The following ZNF469 variants were observed in gnomAD, a reference collection of about 807,000 sequenced individuals.
The protein encoded by ZNF469 is zinc finger protein 469.
A neutral mutation model predicts 1.0 loss-of-function variants in ZNF469; 1 was observed. The ratio of observed to expected loss-of-function variants is 1.00; its 90% CI spans 0.35 to 4.73. ZNF469 has a LOEUF of 4.73. Ranked by LOEUF, ZNF469 falls within the 30% of genes most tolerant of loss-of-function variation. ZNF469 has a pLI of 0.16. For synonymous variants in ZNF469, 2,703 were observed against 2,363.4 expected, an observed-to-expected ratio of 1.14 and a Z score of -4.17; for missense variants, 6,100 against 5,356.3, an observed-to-expected ratio of 1.14 and a Z score of -4.33.
chr16:88,349,201 C>T, the ZNF469 span, among the ~76,000 whole-genome samples: 10 of 152,146 alleles, frequency 6.6e-5, no homozygotes, highest in South Asian at 4.1e-4. Context: ...CCTTCCCCGA[C>T]GGAGCAGGAA....
At chr16:88,118,441 G>A in the ZNF469 span, among the ~76,000 whole-genome samples, 5 of 152,156 alleles carry the variant, frequency 3.3e-5, no homozygotes, top group Non-Finnish European at 5.9e-5. Flanking sequence ...TCAGCTGCTC[G>A]ACCTGGTCCT....
the ZNF469 span, among the ~76,000 whole-genome samples, chr16:88,157,468 T>C: frequency 6.6e-6 from 1 of 152,090 alleles, no homozygotes; most frequent in African/African-American, 2.4e-5. Flanking sequence ...AGGGCTCTCC[T>C]CTGTGTCACT....
At chr16:88,210,578 A>G in the ZNF469 span, among the ~76,000 whole-genome samples, 1 of 152,184 alleles carries the variant, frequency 6.6e-6, no homozygotes, top group Non-Finnish European at 1.5e-5. Context: ...TAGATCTCTA[A>G]TCCATTTGGA....
At chr16:88,341,342 T>G in the ZNF469 span, among the ~76,000 whole-genome samples, 1 of 152,054 alleles carries the variant, frequency 6.6e-6, no homozygotes, top group Admixed American at 6.5e-5. Context: ...ACTGGGAACA[T>G]GCGTTTGGAA....
Position 88,434,733 on chromosome 16 carries a change from C to A in ZNF469, c.7263C>A (p.Asp2421Glu), listed in dbSNP as rs1213989862. 1.3e-6 allele frequency: 2 copies of A among 1,550,282 alleles called. No homozygotes were observed. The highest frequency in any genetic ancestry group is 3.9e-5 in the Admixed American group (2 of 50,992). The stretch of plus-strand genomic sequence containing the variant: ...GCACAGCCAGTGACTTCCAGTCTGA[C>A]TCCCCCCAAAGCCACAGAAATGCCT... ...PSSTASDFQS[D>E]SPQSHRNASH... Residue 2421 changes from aspartate to glutamate, a missense_variant, in exon 3 of 3, where the codon GAC (aspartate) becomes GAA (glutamate). Physicochemically the swap from Asp to Glu is conservative, Grantham distance 45. Transcript: ENST00000565624.
chr16:88,277,149 C>T, the ZNF469 span, among the ~76,000 whole-genome samples: 2 of 151,694 alleles, frequency 1.3e-5, no homozygotes, highest in South Asian at 4.2e-4. Flanking sequence ...GTGTAGATAT[C>T]AGTGCACGGT....
At chr16:88,253,338 G>A in the ZNF469 span, among the ~76,000 whole-genome samples, 20 of 152,224 alleles carry the variant, frequency 1.3e-4, no homozygotes, top group East Asian at 2.5e-3. Flanking sequence ...TGGTTGTCCC[G>A]CTTCATTACC....
At chr16:88,227,595 C>G in the ZNF469 span, among the ~76,000 whole-genome samples, 48 of 148,880 alleles carry the variant, frequency 3.2e-4, no homozygotes, top group African/African-American at 1.1e-3. Context: ...CTCCCTCCCT[C>G]GAGTCTCCCC....
At chr16:88,191,447 C>T in the ZNF469 span, 1 of 152,264 alleles carries the variant, frequency 6.6e-6, no homozygotes, top group African/African-American at 2.4e-5. Context: ...AACCACCGCA[C>T]TGGGCTGGGG....
At chr16:88,254,526 G>C in the ZNF469 span, among the ~76,000 whole-genome samples, 1 of 152,220 alleles carries the variant, frequency 6.6e-6, no homozygotes, top group Non-Finnish European at 1.5e-5. Context: ...GGGAGGCCGA[G>C]GTGGGCAGAT....
At chr16:88,240,454 T>C in the ZNF469 span, among the ~76,000 whole-genome samples, 1 of 152,246 alleles carries the variant, frequency 6.6e-6, no homozygotes, top group Admixed American at 6.5e-5. Flanking sequence ...GGCCTTTCTG[T>C]ATGGGATCGG....
At chr16:88,296,746 T>C in the ZNF469 span, among the ~76,000 whole-genome samples, 1 of 138,648 alleles carries the variant, frequency 7.2e-6, no homozygotes, top group Non-Finnish European at 1.5e-5. Flanking sequence ...CACACACACA[T>C]ACACAGGTGC....
At chr16:88,380,782 TCACACACATGCA>T (rs2142256420), upstream of ZNF469, among the ~76,000 whole-genome samples, 1 of 75,618 alleles carries the variant, frequency 1.3e-5, no homozygotes, top group South Asian at 4.7e-4. Flanking sequence ...ACACATGCAC[TCACACACATGCA>T]CTCACACATG....
the ZNF469 span, among the ~76,000 whole-genome samples, chr16:88,326,887 C>A: frequency 6.6e-6 from 1 of 152,220 alleles, no homozygotes; most frequent in Non-Finnish European, 1.5e-5. Context: ...GCAGAGTACC[C>A]AATGCCCACC....
At chr16:88,253,020 T>C in the ZNF469 span, among the ~76,000 whole-genome samples, 1 of 152,250 alleles carries the variant, frequency 6.6e-6, no homozygotes, top group African/African-American at 2.4e-5. Flanking sequence ...ATTACGCTGT[T>C]GTGTATTTCA....
At chr16:88,350,621 C>A in the ZNF469 span, among the ~76,000 whole-genome samples, 2 of 152,228 alleles carry the variant, frequency 1.3e-5, no homozygotes, top group African/African-American at 4.8e-5. Context: ...GATTCCGGAA[C>A]CTCACGTGGT....
chr16:88,102,265 C>G, the ZNF469 span, among the ~76,000 whole-genome samples: 1 of 152,170 alleles, frequency 6.6e-6, no homozygotes, highest in Admixed American at 6.5e-5. Context: ...GCCTGTAATC[C>G]CAGCACTTTG....
chr16:88,105,790 G>C, the ZNF469 span, among the ~76,000 whole-genome samples: 1 of 152,254 alleles, frequency 6.6e-6, no homozygotes, highest in Non-Finnish European at 1.5e-5. Context: ...TGGGTAGGGG[G>C]ATAACGGCAC....
At chr16:88,229,462 C>G in the ZNF469 span, among the ~76,000 whole-genome samples, 2 of 152,226 alleles carry the variant, frequency 1.3e-5, no homozygotes, top group Non-Finnish European at 2.9e-5. Context: ...CCTGCCAAGA[C>G]CCTCTGTGGT....
Sources: allele counts gnomAD v4.1 joint callset (sites outside exome capture counted in the v4.1 genomes callset), GRCh38; gene constraint gnomAD v4.1.1; transcripts MANE v1.5; gene names NCBI Gene and HGNC (gene_info 2026-07-23, HGNC 2026-07-21).